The following GPC5 variants were observed in gnomAD, a reference collection of about 807,000 sequenced individuals.
GPC5 encodes glypican 5.
GPC5 carries 47 observed loss-of-function variants against 53.9 expected under a neutral mutation model. That is an observed-to-expected ratio of 0.87 (90% CI 0.69 to 1.11). GPC5 has a LOEUF of 1.11. Ranked by LOEUF, GPC5 falls within the 50% of genes most tolerant of loss-of-function variation. GPC5 has a pLI of 0.00. For missense variants in GPC5, 748 were observed against 713.1 expected (o/e 1.05, Z -0.56); for synonymous variants, 286 against 263.3 (o/e 1.09, Z -0.84).
chr13:92,345,303 T>C (rs969791722), intron 7 of GPC5, among the ~76,000 whole-genome samples: 2 of 152,176 alleles, frequency 1.3e-5, no homozygotes, highest in African/African-American at 2.4e-5. Flanking sequence ...TTTAAAAATA[T>C]AAAAGACAGA....
intron 7 of GPC5, among the ~76,000 whole-genome samples, chr13:92,209,323 G>T (rs576291142): frequency 1.3e-5 from 2 of 152,252 alleles, no homozygotes; most frequent in Non-Finnish European, 2.9e-5. Context: ...AGATCTGGGA[G>T]GAATTTGGAG....
chr13:91,775,372 C>A (rs918700413), intron 5 of GPC5, among the ~76,000 whole-genome samples: 1 of 152,046 alleles, frequency 6.6e-6, no homozygotes, highest in Non-Finnish European at 1.5e-5. Flanking sequence ...ATTTTTCCCC[C>A]CTCTGGGTTT....
At chr13:92,673,020 AC>A (rs1886802595) in intron 7 of GPC5, among the ~76,000 whole-genome samples, 1 of 152,160 alleles carries the variant, frequency 6.6e-6, no homozygotes, top group Non-Finnish European at 1.5e-5. Context: ...CTGCACTTGT[AC>A]CCCCGAACCT....
At chr13:92,627,120 G>C (rs1440689881) in intron 7 of GPC5, among the ~76,000 whole-genome samples, 1 of 151,982 alleles carries the variant, frequency 6.6e-6, no homozygotes, top group Non-Finnish European at 1.5e-5. Context: ...AAGGAATGTG[G>C]GTAAAATTTA....
intron 6 of GPC5, among the ~76,000 whole-genome samples, chr13:91,959,124 GT>G: frequency 7.1e-6 from 1 of 141,740 alleles, no homozygotes; most frequent in Admixed American, 7.0e-5. Flanking sequence ...ACAGAAAGTT[GT>G]TTTTTTGAAA....
At chr13:92,610,885 C>T (rs540191537) in intron 7 of GPC5, among the ~76,000 whole-genome samples, 3 of 151,732 alleles carry the variant, frequency 2.0e-5, no homozygotes, top group Non-Finnish European at 4.4e-5. Context: ...CCCATTGACA[C>T]ATGGGGGAAA....
chr13:91,680,591 G>A (rs1014165473), intron 2 of GPC5, among the ~76,000 whole-genome samples: 1 of 152,192 alleles, frequency 6.6e-6, no homozygotes, highest in African/African-American at 2.4e-5. Context: ...TTGGCCAGTG[G>A]TATGCTTTTA....
At chr13:91,676,003 T>G (rs2035373479) in intron 2 of GPC5, among the ~76,000 whole-genome samples, 2 of 152,254 alleles carry the variant, frequency 1.3e-5, no homozygotes, top group African/African-American at 4.8e-5. Flanking sequence ...TCTGAATGTC[T>G]TGATGTGAAT....
chr13:92,071,788 T>G (rs183890733), intron 6 of GPC5, among the ~76,000 whole-genome samples: 1 of 149,996 alleles, frequency 6.7e-6, no homozygotes, highest in Admixed American at 6.7e-5. Context: ...CACAATTTTT[T>G]TTATCCAATG....
chr13:92,771,018 G>A (rs538189108), intron 7 of GPC5, among the ~76,000 whole-genome samples: 8 of 152,220 alleles, frequency 5.3e-5, no homozygotes, highest in African/African-American at 1.9e-4. Flanking sequence ...CCTCTGGGTG[G>A]TGGTAAAAGT....
chr13:91,836,693 C>T (rs1286849679), intron 5 of GPC5, among the ~76,000 whole-genome samples: 1 of 151,836 alleles, frequency 6.6e-6, no homozygotes, highest in Non-Finnish European at 1.5e-5. Context: ...TAAGGAAATA[C>T]CTTTTCTGTT....
At chr13:92,156,230 T>C (rs2041944151) in intron 7 of GPC5, among the ~76,000 whole-genome samples, 1 of 152,166 alleles carries the variant, frequency 6.6e-6, no homozygotes, top group Admixed American at 6.5e-5. Context: ...TACTCTTGTA[T>C]GTGGAATCCC....
chr13:92,023,922 A>G (rs572203415), intron 6 of GPC5, among the ~76,000 whole-genome samples: 1 of 152,198 alleles, frequency 6.6e-6, no homozygotes, highest in African/African-American at 2.4e-5. Context: ...TACTTTGTGA[A>G]TTGTTTTAAA....
intron 6 of GPC5, among the ~76,000 whole-genome samples, chr13:92,100,035 T>C (rs892549681): frequency 6.6e-6 from 1 of 152,112 alleles, no homozygotes; most frequent in Non-Finnish European, 1.5e-5. Context: ...GGCAAGGAAC[T>C]CTGGCATCCT....
chr13:92,144,170 T>C (rs1324834504), intron 6 of GPC5, among the ~76,000 whole-genome samples: 1 of 152,206 alleles, frequency 6.6e-6, no homozygotes, highest in Non-Finnish European at 1.5e-5. Flanking sequence ...AAAATGTCTA[T>C]TCCATCTGTT....
chr13:92,101,028 T>G (rs1273181452), intron 6 of GPC5, among the ~76,000 whole-genome samples: 1 of 152,212 alleles, frequency 6.6e-6, no homozygotes, highest in Non-Finnish European at 1.5e-5. Flanking sequence ...TGGGTGGTTG[T>G]TTGGCAACTT....
At chr13:92,813,761 C>T (rs187928433) in intron 7 of GPC5, among the ~76,000 whole-genome samples, 6 of 151,942 alleles carry the variant, frequency 3.9e-5, no homozygotes, top group African/African-American at 9.7e-5. Context: ...AAATAAGTGG[C>T]GAGATGTAAC....
intron 7 of GPC5, among the ~76,000 whole-genome samples, chr13:92,300,115 A>G (rs985247620): frequency 6.6e-5 from 10 of 152,282 alleles, no homozygotes; most frequent in African/African-American, 2.4e-4. Context: ...TTCTCTTCCG[A>G]ACACAGGTTT....
chr13:91,482,084 A>G (rs190628122), intron 2 of GPC5, among the ~76,000 whole-genome samples: 4 of 152,262 alleles, frequency 2.6e-5, no homozygotes, highest in Non-Finnish European at 4.4e-5. Flanking sequence ...GGAGAATGCT[A>G]TGGTTTGAAG....
Sources: gnomAD v4.1 joint callset for allele counts (sites outside exome capture counted in the v4.1 genomes callset) on GRCh38, gnomAD v4.1.1 for gene constraint, MANE v1.5 for transcripts, NCBI Gene and HGNC (gene_info 2026-07-23, HGNC 2026-07-21) for gene names.